TDRD3: variants seen among roughly 807,000 people sequenced by gnomAD.
The protein encoded by TDRD3 is tudor domain containing 3.
TDRD3 carries 45 observed loss-of-function variants against 86.7 expected under a neutral mutation model. The observed-to-expected ratio is 0.52, with a 90% CI of 0.41 to 0.67. The LOEUF (loss-of-function observed/expected upper bound fraction) is 0.67, where lower values mean the gene tolerates loss of function less well. TDRD3 is among the 30% of genes least tolerant of loss of function. The probability of loss-of-function intolerance (pLI) is 0.00; values close to 1 mark genes in which losing one functional copy is unlikely to be tolerated. For missense variants in TDRD3, 814 were observed against 889.0 expected, an observed-to-expected ratio of 0.92 and a Z score of 1.07; for synonymous variants, 298 against 301.7, an observed-to-expected ratio of 0.99 and a Z score of 0.13.
intron 1 of TDRD3, among the ~76,000 whole-genome samples, chr13:60,429,614 A>T (rs1954902544): frequency 6.6e-6 from 1 of 152,178 alleles, no homozygotes; most frequent in Non-Finnish European, 1.5e-5. Flanking sequence ...AAAACTTTCA[A>T]TTGTAAAACT....
intron 13 of TDRD3, among the ~76,000 whole-genome samples, chr13:60,568,808 C>T (rs949322925): frequency 7.9e-5 from 12 of 152,130 alleles, no homozygotes; most frequent in Non-Finnish European, 1.5e-4. Flanking sequence ...TCAAATTATT[C>T]TTGTTTGCAG....
At chr13:60,456,700 T>C (rs188625908) in intron 3 of TDRD3, among the ~76,000 whole-genome samples, 31 of 152,218 alleles carry the variant, frequency 2.0e-4, no homozygotes, top group African/African-American at 7.5e-4. Flanking sequence ...TTTAGATGAC[T>C]TTTTTTGAGA....
intron 5 of TDRD3, among the ~76,000 whole-genome samples, chr13:60,470,672 C>T (rs893729448): frequency 1.3e-5 from 2 of 149,616 alleles, no homozygotes; most frequent in African/African-American, 4.9e-5. Context: ...CAACCTCTGC[C>T]TCCCAGGTTC....
chr13:60,422,485 A>G (rs1349705595), intron 1 of TDRD3, among the ~76,000 whole-genome samples: 3 of 152,220 alleles, frequency 2.0e-5, no homozygotes, highest in Non-Finnish European at 4.4e-5. Flanking sequence ...CTCTAAGTTC[A>G]TACTCCAACA....
rs141269594 is a variant in TDRD3 at position 60,474,150 on chromosome 13, A to G, written c.495+6771A>G. 2.0e-5 allele frequency among the ~76,000 whole-genome samples: 3 copies of G among 152,252 alleles called. No individual in the cohort carries two copies. In the East Asian group the frequency reaches 5.8e-4, roughly 29 times the overall value. On this transcript the variant is annotated intron_variant, in intron 5 of 13. Coordinates refer to ENST00000377881, the MANE Select transcript of TDRD3 (RefSeq NM_001146070.2). ...TAGTGAAAGTACTAAAAGTCTTTGA[A>G]ATGCATAGAAGAAATAATGGCGTAA...
intron 1 of TDRD3, among the ~76,000 whole-genome samples, chr13:60,399,556 A>G (rs1389782123): frequency 6.6e-6 from 1 of 152,210 alleles, no homozygotes; most frequent in Non-Finnish European, 1.5e-5. Flanking sequence ...TTAGAATCAC[A>G]AAGGTTTAAA....
At chr13:60,500,623 T>C (rs543929572) in intron 8 of TDRD3, among the ~76,000 whole-genome samples, 1 of 152,240 alleles carries the variant, frequency 6.6e-6, no homozygotes, top group Non-Finnish European at 1.5e-5. Context: ...GTTGTGCACT[T>C]TGCATTTAAG....
intron 5 of TDRD3, among the ~76,000 whole-genome samples, chr13:60,473,969 C>T (rs1956128266): frequency 6.6e-6 from 1 of 152,148 alleles, no homozygotes; most frequent in African/African-American, 2.4e-5. Context: ...TCCACCACCT[C>T]TTGTGAAAGG....
chr13:60,458,805 T>C (rs567860023), intron 3 of TDRD3, among the ~76,000 whole-genome samples: 13 of 152,318 alleles, frequency 8.5e-5, no homozygotes, highest in African/African-American at 3.1e-4. Context: ...GAGGATTGTA[T>C]TGGACAGCAT....
intron 1 of TDRD3, among the ~76,000 whole-genome samples, chr13:60,407,393 G>C (rs1224423479): frequency 6.6e-6 from 1 of 152,184 alleles, no homozygotes; most frequent in African/African-American, 2.4e-5. Context: ...TTTTTGTAGA[G>C]TAGAAAATTG....
rs190927994 is a variant in TDRD3 at position 60,516,397 on chromosome 13, A to G, written c.1141+5642A>G. On this transcript the variant is annotated intron_variant, in intron 10 of 13. Transcript: ENST00000377881. Reference sequence around the variant, plus strand: ...TTCTTAGAAATTTTTCTCAGCATTGACTTTTTGTTGTTATATCTTTAAATT... The same window carrying G: ...TTCTTAGAAATTTTTCTCAGCATTGGCTTTTTGTTGTTATATCTTTAAATT... Among the ~76,000 whole-genome samples the G allele has an allele frequency of 3.4e-3, 515 of 152,268 alleles. 4 individuals are homozygous for G. The highest frequency in any genetic ancestry group is 0.012 in the African/African-American group (491 of 41,564).
At chr13:60,508,724 T>G (rs886396808) in intron 8 of TDRD3, among the ~76,000 whole-genome samples, 2 of 152,096 alleles carry the variant, frequency 1.3e-5, no homozygotes, top group African/African-American at 4.8e-5. Context: ...ATATTTCTTG[T>G]GAAAAAAGTT....
intron 3 of TDRD3, among the ~76,000 whole-genome samples, chr13:60,459,321 A>G (rs1594958234): frequency 1.3e-5 from 2 of 152,352 alleles, no homozygotes; most frequent in South Asian, 4.1e-4. Flanking sequence ...TTAAAGATGT[A>G]GAAGTTGCCA....
chr13:60,496,287 CCATATATATATATATA>C (rs1956711706), intron 8 of TDRD3, among the ~76,000 whole-genome samples: 3 of 57,498 alleles, frequency 5.2e-5, no homozygotes, highest in Non-Finnish European at 9.4e-5. Context: ...TAACAAACTC[CCATATATATATATATA>C]TATATATATA....
At chr13:60,519,579 C>T (rs2137716593) in intron 10 of TDRD3, among the ~76,000 whole-genome samples, 1 of 152,160 alleles carries the variant, frequency 6.6e-6, no homozygotes, top group East Asian at 1.9e-4. Context: ...TTATAGTAAT[C>T]CTAACCTGAG....
intron 10 of TDRD3, among the ~76,000 whole-genome samples, 199 bp downstream of exon 10, chr13:60,510,954 A>G (rs1451862917): frequency 5.3e-5 from 8 of 152,092 alleles, no homozygotes; most frequent in African/African-American, 1.9e-4. Flanking sequence ...TTTGCCCCCT[A>G]ACTGGGATTA....
chr13:60,494,922 T>C (rs955923657), intron 8 of TDRD3, among the ~76,000 whole-genome samples: 1 of 152,346 alleles, frequency 6.6e-6, no homozygotes, highest in South Asian at 2.1e-4. Flanking sequence ...TGATTTTGTT[T>C]TGTTTTCTAC....
In TDRD3 at chr13:60,491,029, A is replaced by G. The variant is rs1956574404; in HGVS notation, c.718-3406A>G. Reference sequence around the variant, plus strand: ...CTACTCGGGAGCCTGAGGCAGGAGAATCGCTTGAACCCAGGCAGAGGTTGT... The same window carrying G: ...CTACTCGGGAGCCTGAGGCAGGAGAGTCGCTTGAACCCAGGCAGAGGTTGT... On this transcript the variant is annotated intron_variant, in intron 7 of 13. Coordinates refer to ENST00000377881, the MANE Select transcript of TDRD3 (RefSeq NM_001146070.2). 2.0e-5 allele frequency among the ~76,000 whole-genome samples: 3 copies of G among 151,440 alleles called. No individual in the cohort carries two copies. The South Asian group carries it at 6.3e-4, about 32-fold the overall frequency.
At chr13:60,527,767 T>G (rs1357869009) in intron 10 of TDRD3, among the ~76,000 whole-genome samples, 1 of 152,222 alleles carries the variant, frequency 6.6e-6, no homozygotes, top group Non-Finnish European at 1.5e-5. Flanking sequence ...GTACCCACTC[T>G]TAATTACTTT....
Sources: gnomAD v4.1 joint callset for allele counts (sites outside exome capture counted in the v4.1 genomes callset) on GRCh38, gnomAD v4.1.1 for gene constraint, MANE v1.5 for transcripts, NCBI Gene and HGNC (gene_info 2026-07-23, HGNC 2026-07-21) for gene names.